Variants in RFC5 observed in about 807,000 individuals in gnomAD.
RFC5 encodes the protein A1 36 kDa subunit.
In RFC5, 26 loss-of-function variants were observed where a neutral mutation model predicts 44.3. That is an observed-to-expected ratio of 0.59 (90% CI 0.43 to 0.81). The LOEUF is 0.81. Among genes scored for constraint, RFC5 ranks in the 40% least tolerant of loss-of-function variants. RFC5 has a pLI of 0.00. For synonymous variants in RFC5, 155 were observed against 155.2 expected, an observed-to-expected ratio of 1.00 and a Z score of 0.01; for missense variants, 328 against 418.6, an observed-to-expected ratio of 0.78 and a Z score of 1.89.
chr12:118,025,289 C>G (rs1347863860), intron 6 of RFC5: 5 of 386,730 alleles, frequency 1.3e-5, no homozygotes, highest in Non-Finnish European at 2.3e-5. Flanking sequence ...TTGGAAACTG[C>G]AGGCTGCTGA....
intron 1 of RFC5, 95 bp downstream of exon 1, chr12:118,016,987 C>G: frequency 1.0e-6 from 1 of 967,454 alleles, no homozygotes; most frequent in Non-Finnish European, 1.6e-6. Flanking sequence ...GACCCCAACC[C>G]GACCTCTTCC....
At position 118,031,251 on chromosome 12, in the gene RFC5, C is replaced by T; in HGVS notation, c.996C>T (p.Thr332=). ...CCCTCATTGCTGCATTTCAAGTCAC[C>T]AGAGACCTGATTGTTGCAGAGGCCT... ...LSSLIAAFQV[T]RDLIVAEA is the part of the protein sequence containing the mutation. The change falls in exon 11 of 11, where the codon ACC becomes ACT. Residue 332 remains threonine (T), a synonymous_variant. Coordinates refer to ENST00000454402, the MANE Select transcript of RFC5 (RefSeq NM_007370.7). The T allele has an allele frequency of 1.2e-6, 2 of 1,613,358 alleles. No individual in the cohort carries two copies. The highest frequency in any genetic ancestry group is 1.7e-6 in the Non-Finnish European group (2 of 1,179,406).
At chr12:118,024,770 ACAGAAAAATTCAAG>A (rs2030817456) in intron 5 of RFC5, 67 bp from the exon 6 acceptor site, 3 of 1,223,284 alleles carry the variant, frequency 2.5e-6, no homozygotes, top group Non-Finnish European at 2.3e-6. Context: ...CCTTGTGACC[ACAGAAAAATTCAAG>A]TTTTCTGGGC....
At chr12:118,040,949 T>C in the RFC5 span, among the ~76,000 whole-genome samples, 1 of 152,228 alleles carries the variant, frequency 6.6e-6, no homozygotes, top group Non-Finnish European at 1.5e-5. Context: ...CTTGGGAGGC[T>C]GAGACACAAG....
chr12:118,021,130 C>T (rs2137697848), intron 4 of RFC5, 145 bp downstream of exon 4: 8 of 566,546 alleles, frequency 1.4e-5, no homozygotes, highest in South Asian at 6.8e-5. Context: ...AAGAGATAAA[C>T]GAGAGGGATG....
At chr12:118,025,965 C>T in intron 7 of RFC5, 137 bp downstream of exon 7, 2 of 598,434 alleles carry the variant, frequency 3.3e-6, no homozygotes, top group Admixed American at 2.8e-5. Context: ...TCTCCTGCCT[C>T]CTGAGCAGCT....
At chr12:118,017,001 C>A in intron 1 of RFC5, 109 bp downstream of exon 1, 1 of 858,034 alleles carries the variant, frequency 1.2e-6, no homozygotes, top group South Asian at 1.4e-5. Flanking sequence ...CTCTTCCCGT[C>A]GTCTCCAGGC....
downstream of RFC5, chr12:118,032,696 C>CTATT (rs10558297): frequency 6.6e-6 from 1 of 151,688 alleles, no homozygotes; most frequent in African/African-American, 2.4e-5. Flanking sequence ...GTTTTTTTGG[C>CTATT]TATTTATTTA....
chr12:118,018,248 A>T (rs1187914798), intron 1 of RFC5, among the ~76,000 whole-genome samples: 1 of 152,242 alleles, frequency 6.6e-6, no homozygotes, highest in African/African-American at 2.4e-5. Context: ...GTAGGAGTTC[A>T]GTTTCAAATG....
rs761211662 is a variant in RFC5, at chr12:118,024,843, C to G, written c.422-8C>G. The G allele has an allele frequency of 2.3e-5, 36 of 1,599,626 alleles. No homozygotes were observed. Among genetic ancestry groups the G allele is most frequent in the Non-Finnish European group, 2.8e-5 (33 of 1,174,096 alleles). On this transcript the variant is annotated splice_polypyrimidine_tract_variant and splice_region_variant and intron_variant, in intron 5 of 10. Transcript: ENST00000454402. Reference sequence around the variant, plus strand: ...TTGACATGAGGTGGTTTTATTTTCTCTTACTAGTAATTGAGAAATTCACAG... The same window carrying G: ...TTGACATGAGGTGGTTTTATTTTCTGTTACTAGTAATTGAGAAATTCACAG...
At position 118,020,931 on chromosome 12, in the gene RFC5, T is replaced by C. The variant is rs2030441765; in HGVS notation, c.293T>C (p.Ile98Thr). 3 of 1,612,054 alleles carry C rather than the reference T, an allele frequency of 1.9e-6. No individual in the cohort carries two copies. The highest frequency in any genetic ancestry group is 2.5e-6 in the Non-Finnish European group (3 of 1,178,350). ...LELNASDDRG[I>T]DIIRGPILSF... ...CTGAATGCTTCAGATGACCGAGGAATAGACATCATTCGAGGACCGATCCTG... is the reference window on the plus strand; with the variant it reads ...CTGAATGCTTCAGATGACCGAGGAACAGACATCATTCGAGGACCGATCCTG... Residue 98 changes from isoleucine (I) to threonine (T), a missense_variant, in exon 4 of 11, where the codon ATA becomes ACA. By Grantham distance (89) the Ile-to-Thr change is moderately conservative. Transcript: ENST00000454402.
At chr12:118,024,448 CAG>C (rs1016852758) in intron 5 of RFC5, among the ~76,000 whole-genome samples, 54 of 151,880 alleles carry the variant, frequency 3.6e-4, no homozygotes, top group African/African-American at 1.3e-3. Flanking sequence ...TTTTTTGAGA[CAG>C]AGTCTCACTC....
At chr12:118,017,568 C>T (rs1454443725) in intron 1 of RFC5, 21 of 720,020 alleles carry the variant, frequency 2.9e-5, no homozygotes, top group Non-Finnish European at 3.6e-5. Flanking sequence ...GGCTTGGCTT[C>T]GAAAAGCTGC....
chr12:118,020,297 A>G (rs1593437896), intron 3 of RFC5, among the ~76,000 whole-genome samples: 1 of 152,200 alleles, frequency 6.6e-6, no homozygotes, highest in Non-Finnish European at 1.5e-5. Context: ...AGCCCTCTCC[A>G]GGTGCCTACA....
chr12:118,017,430 C>T (rs2030167720), intron 1 of RFC5, among the ~76,000 whole-genome samples: 1 of 152,118 alleles, frequency 6.6e-6, no homozygotes, highest in Non-Finnish European at 1.5e-5. Context: ...TAATGACTTC[C>T]CTATGGTCCA....
intron 5 of RFC5, 126 bp downstream of exon 5, chr12:118,022,485 G>C (rs188955252): frequency 1.1e-5 from 7 of 664,432 alleles, no homozygotes; most frequent in Admixed American, 2.8e-5. Flanking sequence ...CTTTTTTTGA[G>C]TCAGAGTCTT....
At chr12:118,033,547 TAA>T (rs35299550), downstream of RFC5, 40 of 130,778 alleles carry the variant, frequency 3.1e-4, no homozygotes, top group African/African-American at 5.0e-4. Context: ...ACACCATTGT[TAA>T]AAAAAAAAAA....
At chr12:118,029,920 C>G (rs1397199900) in intron 10 of RFC5, 95 bp downstream of exon 10, 4 of 928,250 alleles carry the variant, frequency 4.3e-6, no homozygotes, top group Non-Finnish European at 7.1e-6. Context: ...GGTTTTTTTC[C>G]TAAATCGTTC....
chr12:118,035,151 C>T, downstream of RFC5: 2 of 1,611,944 alleles, frequency 1.2e-6, no homozygotes, highest in Non-Finnish European at 1.7e-6. Context: ...ACCAAGAGGG[C>T]CTTGCTGCCA....
Sources: allele counts gnomAD v4.1 joint callset (sites outside exome capture counted in the v4.1 genomes callset), GRCh38; gene constraint gnomAD v4.1.1; transcripts MANE v1.5; gene names NCBI Gene and HGNC (gene_info 2026-07-23, HGNC 2026-07-21).